The following STAB1 variants were observed in gnomAD, a reference collection of about 807,000 sequenced individuals.
The protein encoded by STAB1 is stabilin-1.
A neutral mutation model predicts 332.4 loss-of-function variants in STAB1; 250 were observed. That is an observed-to-expected ratio of 0.75 (90% CI 0.68 to 0.84). STAB1 has a LOEUF of 0.84. STAB1 is among the 40% of genes least tolerant of loss of function. The probability of loss-of-function intolerance (pLI) is 0.00; values close to 1 mark genes in which losing one functional copy is unlikely to be tolerated. For missense variants in STAB1, 3,249 were observed against 3,489.7 expected, an observed-to-expected ratio of 0.93 and a Z score of 1.74; for synonymous variants, 1,475 against 1,390.4, an observed-to-expected ratio of 1.06 and a Z score of -1.35.
chr3:52,507,816 G>A (rs1708987287), intron 19 of STAB1, 115 bp from the exon 20 acceptor site: 1 of 1,448,908 alleles, frequency 6.9e-7, no homozygotes, highest in African/African-American at 1.4e-5. Context: ...AGCCCCACTG[G>A]ACCAGGGTTA....
chr3:52,513,392 G>A (rs2153233638), intron 30 of STAB1, 151 bp downstream of exon 30: 1 of 794,196 alleles, frequency 1.3e-6, no homozygotes, highest in South Asian at 1.8e-5. Context: ...ATGTGCTCAG[G>A]ACGCATTGCT....
chr3:52,517,533 A>G lies in STAB1; in HGVS notation c.4564-17A>G. 6.2e-7 allele frequency: 1 copy of G among 1,611,778 alleles called. No individual in the cohort carries two copies. The highest frequency in any genetic ancestry group is 8.5e-7 in the Non-Finnish European group (1 of 1,179,440). On this transcript the variant is annotated splice_polypyrimidine_tract_variant and intron_variant, in intron 43 of 68. Transcript: ENST00000321725. ...CTGTTGGCTCCCAGCAGCCCCACTG[A>G]TCAAGACTGGGGACAGGTCTCCTGC...
At position 52,516,072 on chromosome 3, in the gene STAB1, C is replaced by T; in HGVS notation, c.3978C>T (p.Gly1326=). 5 of 1,611,080 alleles carry T rather than the reference C, an allele frequency of 3.1e-6. No homozygotes were observed. The highest frequency in any genetic ancestry group is 1.3e-5 in the African/African-American group (1 of 75,018). The stretch of plus-strand genomic sequence containing the variant: ...CGGACTGCTGCCCTGGTTTCTTTGG[C>T]ACGCTGTGTGAGCCATGCCCAGGGG... ...QVPDCCPGFF[G]TLCEPCPGGL... is the part of the protein sequence containing the mutation. Residue 1326 remains glycine (G), a synonymous_variant, in exon 38 of 69, where the codon GGC becomes GGT. Coordinates refer to ENST00000321725, the MANE Select transcript of STAB1 (RefSeq NM_015136.3).
intron 37 of STAB1, 95 bp downstream of exon 37, chr3:52,515,601 C>T: frequency 7.5e-7 from 1 of 1,335,982 alleles, no homozygotes; most frequent in East Asian, 2.3e-5. Context: ...ATCTTAAGGA[C>T]AGAGACTGGG....
rs537312043 is a variant in STAB1, at chr3:52,512,859, G to A, written c.3059G>A (p.Arg1020Gln). Reference sequence around the variant, plus strand: ...GGCATCACGCTTCCTGCCGACCGCCGAGTCACAGCCCTGGTGCCCTCCGAG... The same window carrying A: ...GGCATCACGCTTCCTGCCGACCGCCAAGTCACAGCCCTGGTGCCCTCCGAG... ...SAGITLPADRRVTALVPSEAA... is the reference protein window; with the variant it reads ...SAGITLPADRQVTALVPSEAA... The change falls in exon 29 of 69, where the codon CGA becomes CAA. Residue 1020 changes from arginine (R) to glutamine (Q), a missense_variant. Arg to Gln is a conservative substitution (Grantham distance 43). Coordinates refer to ENST00000321725, the MANE Select transcript of STAB1 (RefSeq NM_015136.3). 12 of 1,610,824 alleles carry A rather than the reference G, an allele frequency of 7.4e-6. No homozygotes were observed. In the East Asian group the frequency reaches 2.2e-4, roughly 30 times the overall value.
Position 52,513,206 on chromosome 3 carries a change from C to T in STAB1, c.3235C>T (p.Pro1079Ser). The T allele has an allele frequency of 6.3e-7, 1 of 1,585,724 alleles. No individual in the cohort carries two copies. The highest frequency in any genetic ancestry group is 8.6e-7 in the Non-Finnish European group (1 of 1,166,696). The change falls in exon 30 of 69, where the codon CCC (proline) becomes TCC (serine). Residue 1079 changes from proline to serine, a missense_variant. Coordinates refer to ENST00000321725, the MANE Select transcript of STAB1 (RefSeq NM_015136.3). ...TGGGCAGGAAGTGGCCACCCTGAAC[C>T]CCACCACACGCTGGGAGATTCGCAA... ...LGGQEVATLN[P>S]TTRWEIRNIS...
Position 52,505,409 on chromosome 3 carries a change from A to ATGTGGGCT in STAB1, c.1581+30_1581+37dup. On this transcript the variant is annotated intron_variant, in intron 14 of 68. Transcript: ENST00000321725. ...AAGCTCGGGGGAGGGGTCCTAGCCC[A>ATGTGGGCT]TGTGGGCTTCTGGGCTTCTGAGCCA... is the stretch of plus-strand genomic sequence containing the variant. The ATGTGGGCT allele has an allele frequency of 1.9e-6, 3 of 1,606,424 alleles. No individual in the cohort carries two copies. The South Asian group carries it at 3.3e-5, about 18-fold the overall frequency.
Position 52,506,703 on chromosome 3 carries a change from G to A in STAB1, c.1842G>A (p.Leu614=). 1.2e-6 allele frequency: 2 copies of A among 1,611,024 alleles called. No individual in the cohort carries two copies. Among genetic ancestry groups the A allele is most frequent in the Non-Finnish European group, 1.7e-6 (2 of 1,179,082 alleles). The stretch of plus-strand genomic sequence containing the variant: ...GGTCTCTGCCGCAGGGGCGCATCCT[G>A]CTGGGACCCGAGGGGGTCCCGCTGC... The part of the protein sequence containing the change: ...AVNISEEGRI[L]LGPEGVPLQR... The change falls in exon 18 of 69, where the codon CTG becomes CTA. Residue 614 remains leucine, a synonymous_variant. Transcript: ENST00000321725.
In STAB1 at chr3:52,521,146, G is replaced by A. The variant is rs2079058609; in HGVS notation, c.5908+141G>A. 4.1e-6 allele frequency: 5 copies of A among 1,207,834 alleles called. No homozygotes were observed. In the South Asian group the frequency reaches 7.9e-5, roughly 19 times the overall value. The allele number at this position is 1,207,834 out of a possible 1,614,324, so 74.8% of individuals were successfully genotyped here. ...TGGTGAGTAGATTTTACTAGCGGGA[G>A]TGCTCGGGAGAGGCATGGCGGTAGT... On this transcript the variant is annotated intron_variant, in intron 55 of 68. Transcript: ENST00000321725.
rs1708971603 is a variant in STAB1, at chr3:52,507,614, G to A, written c.1991G>A (p.Gly664Asp). Residue 664 changes from glycine to aspartate, a missense_variant and splice_region_variant, in exon 19 of 69, where the codon GGC becomes GAC. Physicochemically the swap from Gly to Asp is moderately conservative, Grantham distance 94 (BLOSUM62 -1). Coordinates refer to ENST00000321725, the MANE Select transcript of STAB1 (RefSeq NM_015136.3). ...CSEEQHKIVA[G>D]SCVDCQALNT... ...CCATCCTGCCCCTGCCCTGCCCAGGGCTCCTGTGTGGACTGCCAAGCCCTG... is the reference window on the plus strand; with the variant it reads ...CCATCCTGCCCCTGCCCTGCCCAGGACTCCTGTGTGGACTGCCAAGCCCTG... 6.2e-7 allele frequency: 1 copy of A among 1,613,354 alleles called. No homozygotes were observed.
intron 65 of STAB1, 27 bp downstream of exon 65, chr3:52,523,603 T>C (rs1490979741): frequency 1.2e-6 from 2 of 1,612,616 alleles, no homozygotes; most frequent in East Asian, 4.5e-5. Flanking sequence ...TCCCACCCTG[T>C]TGGCCCTGGC....
Position 52,522,890 on chromosome 3 carries a change from C to T in STAB1, c.6860C>T (p.Ala2287Val), listed in dbSNP as rs2079122766. 1 of 1,613,338 alleles carries T rather than the reference C, an allele frequency of 6.2e-7. No homozygotes were observed. Among genetic ancestry groups the T allele is most frequent in the Non-Finnish European group, 8.5e-7 (1 of 1,180,018 alleles). The change falls in exon 62 of 69, where the codon GCC (alanine) becomes GTC (valine). Residue 2287 changes from alanine (A) to valine (V), a missense_variant. Coordinates refer to ENST00000321725, the MANE Select transcript of STAB1 (RefSeq NM_015136.3). ...NGRVGIVSLG[A>V]RKNLSERWDA... ...CGGGTGGGCATAGTCAGCCTGGGTG[C>T]CCGCAAGAACCTCTCAGAACGCTGG...
intron 19 of STAB1, 119 bp downstream of exon 19, chr3:52,507,794 T>G (rs991310354): frequency 1.0e-5 from 15 of 1,480,026 alleles, no homozygotes; most frequent in Non-Finnish European, 1.4e-5. Context: ...ACCTGGAGGC[T>G]AAGTGCTTCG....
intron 55 of STAB1, 145 bp from the exon 56 acceptor site, chr3:52,521,216 G>A (rs2079061194): frequency 1.6e-6 from 2 of 1,263,202 alleles, no homozygotes; most frequent in Admixed American, 2.2e-5. Flanking sequence ...GGGTCTGGAT[G>A]TTCTCCAGGA....
At position 52,522,207 on chromosome 3, in the gene STAB1, G is replaced by A. The variant is rs759768249; in HGVS notation, c.6442G>A (p.Ala2148Thr). The change falls in exon 59 of 69, where the codon GCC becomes ACC. Residue 2148 changes from alanine to threonine, a missense_variant. Transcript: ENST00000321725. ...DGHRGGCSEHANCLSTGLNTR... is the reference protein window; with the variant it reads ...DGHRGGCSEHTNCLSTGLNTR... Reference sequence around the variant, plus strand: ...CCACCGCGGGGGCTGCAGCGAGCACGCCAACTGCTTGAGCACCGGCCTGGT... The same window carrying A: ...CCACCGCGGGGGCTGCAGCGAGCACACCAACTGCTTGAGCACCGGCCTGGT... The A allele has an allele frequency of 3.7e-6, 6 of 1,612,530 alleles. No individual in the cohort carries two copies. The highest frequency in any genetic ancestry group is 1.1e-5 in the South Asian group (1 of 91,066).
At chr3:52,496,903 T>C (rs1708069413) in intron 1 of STAB1, among the ~76,000 whole-genome samples, 1 of 152,218 alleles carries the variant, frequency 6.6e-6, no homozygotes, top group Non-Finnish European at 1.5e-5. Flanking sequence ...CCACTGTAAG[T>C]GCAGTTGGCC....
chr3:52,510,551 ACT>A (rs1709223860), intron 25 of STAB1, 44 bp downstream of exon 25: 1 of 1,578,542 alleles, frequency 6.3e-7, no homozygotes. Flanking sequence ...GTTCTGGGGG[ACT>A]CTCTCCCTGC....
In STAB1 at chr3:52,524,214, G is replaced by GT; in HGVS notation, c.7656+2dup. ...CGACACCTTTTGTGAACCCTTCGAT[G>GT]TAAGCATGGAAGTGAAGAAGTGTGG... On this transcript the variant is annotated splice_donor_variant, in intron 68 of 68. Transcript: ENST00000321725. LOFTEE classifies it high-confidence loss of function. 1 of 1,614,112 alleles carries GT rather than the reference G, an allele frequency of 6.2e-7. No homozygotes were observed. Among genetic ancestry groups the GT allele is most frequent in the South Asian group, 1.1e-5 (1 of 91,090 alleles).
intron 15 of STAB1, 32 bp downstream of exon 15, chr3:52,505,813 TG>T (rs928038393): frequency 1.2e-6 from 2 of 1,613,710 alleles, no homozygotes; most frequent in Non-Finnish European, 1.7e-6. Context: ...GCTGCGGGTA[TG>T]GGGGCACCAG....
Sources: allele counts gnomAD v4.1 joint callset (sites outside exome capture counted in the v4.1 genomes callset), GRCh38; gene constraint gnomAD v4.1.1; transcripts MANE v1.5; gene names NCBI Gene and HGNC (gene_info 2026-07-23, HGNC 2026-07-21).